The following SIL1 variants were observed in gnomAD, a reference collection of about 807,000 sequenced individuals.
The protein encoded by SIL1 is nucleotide exchange factor SIL1.
SIL1 carries 40 observed loss-of-function variants against 49.1 expected under a neutral mutation model. The observed-to-expected ratio is 0.81, with a 90% CI of 0.63 to 1.06. SIL1 has a LOEUF of 1.06. Ranked by LOEUF, SIL1 falls within the 50% of genes least tolerant of loss-of-function variation. The pLI is 0.00. For synonymous variants in SIL1, 253 were observed against 250.8 expected (o/e 1.01, Z -0.08); for missense variants, 500 against 572.6 (o/e 0.87, Z 1.29).
intron 7 of SIL1, among the ~76,000 whole-genome samples, chr5:138,994,933 C>A (rs1767831596): frequency 6.6e-6 from 1 of 152,172 alleles, no homozygotes; most frequent in Non-Finnish European, 1.5e-5. Flanking sequence ...CATTGTTCAG[C>A]TCCCACTTAT....
chr5:139,183,055 C>G (rs891794740), intron 1 of SIL1, among the ~76,000 whole-genome samples: 11 of 152,208 alleles, frequency 7.2e-5, no homozygotes, highest in Admixed American at 2.0e-4. Context: ...ATGCCTGAGG[C>G]AGGCCCCCAG....
intron 1 of SIL1, among the ~76,000 whole-genome samples, chr5:139,133,142 C>T (rs952564198): frequency 6.6e-6 from 1 of 152,154 alleles, no homozygotes; most frequent in African/African-American, 2.4e-5. Flanking sequence ...TGGCCCTCTT[C>T]TGACATAAAA....
At chr5:139,157,358 G>T (rs1463234929) in intron 1 of SIL1, among the ~76,000 whole-genome samples, 1 of 152,108 alleles carries the variant, frequency 6.6e-6, no homozygotes, top group Non-Finnish European at 1.5e-5. Context: ...GACATGTTTG[G>T]AAGGTATCAG....
intron 7 of SIL1, among the ~76,000 whole-genome samples, chr5:138,994,380 A>G (rs1342733139): frequency 6.6e-6 from 1 of 152,218 alleles, no homozygotes; most frequent in Non-Finnish European, 1.5e-5. Context: ...AACAAATACT[A>G]TGAGGTAATT....
chr5:139,103,491 T>C (rs1770636743), intron 3 of SIL1, among the ~76,000 whole-genome samples: 1 of 152,252 alleles, frequency 6.6e-6, no homozygotes, highest in African/African-American at 2.4e-5. Context: ...CTTGGTGTAG[T>C]ACCTTCAATT....
intron 7 of SIL1, among the ~76,000 whole-genome samples, chr5:138,963,672 G>A (rs1420259653): frequency 1.3e-5 from 2 of 152,060 alleles, no homozygotes; most frequent in African/African-American, 4.8e-5. Flanking sequence ...GTTTAAATAT[G>A]GTGAACAATA....
intron 7 of SIL1, among the ~76,000 whole-genome samples, chr5:138,983,147 C>G (rs907227418): frequency 7.0e-6 from 1 of 142,152 alleles, no homozygotes; most frequent in Non-Finnish European, 1.5e-5. Context: ...TGCAGTGAGC[C>G]AAGATCATGC....
At chr5:139,156,534 G>A (rs1256167977) in intron 1 of SIL1, among the ~76,000 whole-genome samples, 1 of 152,148 alleles carries the variant, frequency 6.6e-6, no homozygotes, top group Admixed American at 6.5e-5. Flanking sequence ...AAGGATCTTT[G>A]CAGATGTTTT....
chr5:139,024,710 C>T (rs984468376), intron 6 of SIL1, among the ~76,000 whole-genome samples: 2 of 152,204 alleles, frequency 1.3e-5, no homozygotes, highest in Non-Finnish European at 2.9e-5. Context: ...ACCAAGCCCC[C>T]CACCTGCAGT....
chr5:138,947,343 GC>G lies in SIL1; in HGVS notation c.1159del (p.Ala387ArgfsTer19). ...CTCACGGGCATCATGCTCGGGCAGC[GC>G]CAGGAGGTGGGCCGTGATCTCGCAC... ...GWCEITAHLL[A>X]LPEHDAREKV... On this transcript the variant is annotated frameshift_variant, in exon 10 of 10. Coordinates refer to ENST00000394817, the MANE Select transcript of SIL1 (RefSeq NM_022464.5). LOFTEE classifies it high-confidence loss of function. The surrounding 1 kb of genome is among the most constrained non-coding windows in gnomAD (Gnocchi z 4.1). 2.5e-6 allele frequency: 4 copies of G among 1,613,620 alleles called. No individual in the cohort carries two copies. The highest frequency in any genetic ancestry group is 3.4e-6 in the Non-Finnish European group (4 of 1,180,028).
chr5:138,946,910 G>A lies in SIL1; in HGVS notation c.*207C>T, dbSNP rs1766640998. The A allele has an allele frequency of 1.6e-6, 1 of 609,496 alleles. No individual in the cohort carries two copies. The highest frequency in any genetic ancestry group is 4.4e-4 in the Middle Eastern group (1 of 2,262). 37.8% of individuals were successfully genotyped at this position (609,496 alleles called of 1,614,324 possible). On this transcript the variant is annotated 3_prime_UTR_variant, in exon 10 of 10. Coordinates refer to ENST00000394817, the MANE Select transcript of SIL1 (RefSeq NM_022464.5). ...GGGCTGAGCCCTGCACGTCAGCAGA[G>A]CCCATCACCCAACCACTCACCTGAC...
intron 7 of SIL1, among the ~76,000 whole-genome samples, chr5:138,979,366 A>T (rs1002598573): frequency 1.3e-5 from 2 of 152,220 alleles, no homozygotes; most frequent in Non-Finnish European, 2.9e-5. Flanking sequence ...CCCAGCCAAG[A>T]GTATTTAATT....
intron 7 of SIL1, among the ~76,000 whole-genome samples, chr5:139,002,466 A>T (rs965270738): frequency 6.6e-6 from 1 of 152,222 alleles, no homozygotes; most frequent in Non-Finnish European, 1.5e-5. Context: ...TACTCATTGC[A>T]GAAAAGGCTT....
At chr5:139,134,532 G>A (rs1055700592) in intron 1 of SIL1, among the ~76,000 whole-genome samples, 1 of 151,836 alleles carries the variant, frequency 6.6e-6, no homozygotes, top group Non-Finnish European at 1.5e-5. Context: ...CCTGCTCCCT[G>A]TTAGATCCAC....
intron 7 of SIL1, among the ~76,000 whole-genome samples, chr5:138,978,561 G>T (rs1767442416): frequency 6.6e-6 from 1 of 152,134 alleles, no homozygotes; most frequent in Admixed American, 6.5e-5. Flanking sequence ...ACCTAGCATT[G>T]GAATTGCTGG....
chr5:139,043,791 A>T (rs2150447222), intron 4 of SIL1, among the ~76,000 whole-genome samples: 1 of 152,348 alleles, frequency 6.6e-6, no homozygotes, highest in South Asian at 2.1e-4. Context: ...TTTTAGTTCA[A>T]TGAACAGAGG....
At chr5:139,105,205 A>AG (rs141960997) in intron 3 of SIL1, among the ~76,000 whole-genome samples, 1 of 152,068 alleles carries the variant, frequency 6.6e-6, no homozygotes, top group South Asian at 2.1e-4. Flanking sequence ...GGTGGGGAAG[A>AG]GGGGGGCGAT....
intron 1 of SIL1, among the ~76,000 whole-genome samples, chr5:139,171,548 G>A (rs1561889554): frequency 6.6e-6 from 1 of 152,006 alleles, no homozygotes; most frequent in Non-Finnish European, 1.5e-5. Context: ...CAAGTACCCA[G>A]GGACACAAAC....
chr5:139,072,352 G>A (rs1769853650), intron 3 of SIL1, among the ~76,000 whole-genome samples: 1 of 152,046 alleles, frequency 6.6e-6, no homozygotes, highest in Non-Finnish European at 1.5e-5. Context: ...TGAATTCAAC[G>A]AATCAAAAGT....
Sources: allele counts gnomAD v4.1 joint callset (sites outside exome capture counted in the v4.1 genomes callset), GRCh38; gene constraint gnomAD v4.1.1; non-coding constraint Gnocchi (gnomAD v3.1); transcripts MANE v1.5; gene names NCBI Gene and HGNC (gene_info 2026-07-23, HGNC 2026-07-21).